The following SF3A1 variants were observed in gnomAD, a reference collection of about 807,000 sequenced individuals.
SF3A1 encodes the protein SAP 114.
SF3A1 carries 13 observed loss-of-function variants against 89.9 expected under a neutral mutation model. The ratio of observed to expected loss-of-function variants is 0.14; its 90% CI spans 0.09 to 0.23. The LOEUF is 0.23. Among genes scored for constraint, SF3A1 ranks in the 10% least tolerant of loss-of-function variants. The pLI is 1.00. For missense variants in SF3A1, 604 were observed against 1,022.1 expected, an observed-to-expected ratio of 0.59 and a Z score of 5.58; for synonymous variants, 405 against 374.4, an observed-to-expected ratio of 1.08 and a Z score of -0.94.
At chr22:30,348,456 C>A (rs942399597) in intron 2 of SF3A1, among the ~76,000 whole-genome samples, 2 of 152,170 alleles carry the variant, frequency 1.3e-5, no homozygotes, top group African/African-American at 4.8e-5. Flanking sequence ...CAAGCCTGGG[C>A]AACAAAATGA....
chr22:30,337,481 G>A (rs1931106574), intron 12 of SF3A1, among the ~76,000 whole-genome samples: 2 of 152,146 alleles, frequency 1.3e-5, no homozygotes, highest in African/African-American at 2.4e-5. Context: ...CACAGACACT[G>A]GCTACACCAT....
intron 2 of SF3A1, 49 bp from the exon 3 acceptor site, chr22:30,346,568 C>T (rs1931427808): frequency 9.4e-6 from 15 of 1,600,540 alleles, no homozygotes; most frequent in African/African-American, 2.7e-5. Context: ...CTTGTGCCTG[C>T]TGTGATCTAG....
rs1220779065 is a variant in SF3A1 at position 30,333,659 on chromosome 22, A to T, written c.*935T>A. ...GCCTCAGTTTACTCAAGTGTTAAAC[A>T]GGAATACTCACATGAGGATTACATG... On this transcript the variant is annotated 3_prime_UTR_variant, in exon 16 of 16. Coordinates refer to ENST00000215793, the MANE Select transcript of SF3A1 (RefSeq NM_005877.6). 6.6e-6 allele frequency: 1 copy of T among 152,282 alleles called. No homozygotes were observed. The highest frequency in any genetic ancestry group is 1.9e-4 in the East Asian group (1 of 5,208). 9.4% of individuals were successfully genotyped at this position (152,282 alleles called of 1,614,324 possible). A position where few individuals can be genotyped will look rare whatever the true frequency, so the allele number is the denominator to read the frequency against.
chr22:30,341,272 C>T (rs532140224), intron 7 of SF3A1, among the ~76,000 whole-genome samples: 2 of 152,260 alleles, frequency 1.3e-5, no homozygotes, highest in Non-Finnish European at 2.9e-5. Flanking sequence ...TCTGGAGACT[C>T]CATGCCTGCT....
rs964174611 is a variant in SF3A1 at position 30,341,556 on chromosome 22, A to C, written c.1071+136T>G. 5.7e-5 allele frequency: 25 copies of C among 442,172 alleles called. 2 individuals are homozygous for C. Among genetic ancestry groups the C allele is most frequent in the Non-Finnish European group, 9.3e-5 (22 of 236,638 alleles). The allele number at this position is 442,172 out of a possible 1,614,324, so 27.4% of individuals were successfully genotyped here. A position where few individuals can be genotyped will look rare whatever the true frequency, so the allele number is the denominator to read the frequency against. ...GGCTCTGTGCTGCCTGGACTTGGGC[A>C]GCTGTATGGCCTTGTTCAGGACCCA... is the stretch of plus-strand genomic sequence containing the variant. On this transcript the variant is annotated intron_variant, in intron 7 of 15. Coordinates refer to ENST00000215793, the MANE Select transcript of SF3A1 (RefSeq NM_005877.6).
intron 2 of SF3A1, among the ~76,000 whole-genome samples, chr22:30,350,278 G>GA (rs1258442555): frequency 2.1e-5 from 3 of 145,732 alleles, no homozygotes; most frequent in African/African-American, 7.6e-5. Flanking sequence ...GAGCAACACA[G>GA]AAAGACCCCA....
At position 30,333,566 on chromosome 22, in the gene SF3A1, G is replaced by A. The variant is rs1434626107; in HGVS notation, c.*1028C>T. On this transcript the variant is annotated 3_prime_UTR_variant, in exon 16 of 16. Coordinates refer to ENST00000215793, the MANE Select transcript of SF3A1 (RefSeq NM_005877.6). Reference sequence around the variant, plus strand: ...TTTACTCAGAAACCAGGACTGTGACGTGTTTTGCACACATTCTCTTTTCAC... The same window carrying A: ...TTTACTCAGAAACCAGGACTGTGACATGTTTTGCACACATTCTCTTTTCAC... 2 of 152,188 alleles carry A rather than the reference G, an allele frequency of 1.3e-5. No homozygotes were observed. The highest frequency in any genetic ancestry group is 2.4e-5 in the African/African-American group (1 of 41,444). The allele number at this position is 152,188 out of a possible 1,614,324, so 9.4% of individuals were successfully genotyped here.
chr22:30,340,308 G>A lies in SF3A1; in HGVS notation c.1263C>T (p.Pro421=), dbSNP rs146925373. The A allele has an allele frequency of 7.0e-5, 113 of 1,613,066 alleles. No individual in the cohort carries two copies. Among genetic ancestry groups the A allele is most frequent in the Non-Finnish European group, 8.4e-5 (99 of 1,179,760 alleles). The stretch of plus-strand genomic sequence containing the variant: ...GCATGTGTTCCTGCATTTTGCTGGC[G>A]GGGATCTTCTCCCCAGTAATGGGGG... ...LVSPITGEKI[P]ASKMQEHMRI... is the part of the protein sequence containing the mutation. The change falls in exon 9 of 16, where the codon CCC becomes CCT. Residue 421 remains proline (P), a synonymous_variant. Transcript: ENST00000215793.
chr22:30,349,444 C>T (rs559617200), intron 2 of SF3A1, among the ~76,000 whole-genome samples: 2 of 152,218 alleles, frequency 1.3e-5, no homozygotes, highest in East Asian at 1.9e-4. Context: ...CCACACCTGG[C>T]TAATTTTTTG....
chr22:30,356,655 C>A, intron 1 of SF3A1, 75 bp downstream of exon 1: 1 of 1,172,058 alleles, frequency 8.5e-7, no homozygotes, highest in Admixed American at 3.5e-5. Context: ...TAGCGGCCGG[C>A]CGCTTATTCC....
chr22:30,353,142 C>A (rs1224410081), intron 1 of SF3A1, 70 bp from the exon 2 acceptor site: 3 of 1,561,208 alleles, frequency 1.9e-6, no homozygotes, highest in Non-Finnish European at 2.6e-6. Flanking sequence ...CTGTAAAACT[C>A]CTCTAGGATA....
In SF3A1 at chr22:30,338,921, T is replaced by A. The variant is rs1297378992; in HGVS notation, c.1611A>T (p.Pro537=). Residue 537 remains proline (P), a synonymous_variant, in exon 11 of 16, where the codon CCA becomes CCT. Transcript: ENST00000215793. ...EAIHKAKGLV[P]EDDTKEKIGP... is the part of the protein sequence containing the mutation. ...CAATCTTCTCTTTAGTGTCATCCTC[T>A]GGCACCAGGCCTTTGGCCTTGTGAA... 3 of 1,614,206 alleles carry A rather than the reference T, an allele frequency of 1.9e-6. No homozygotes were observed. Among genetic ancestry groups the A allele is most frequent in the Middle Eastern group, 1.6e-4 (1 of 6,062 alleles).
intron 9 of SF3A1, 119 bp from the exon 10 acceptor site, chr22:30,339,370 T>A: frequency 5.7e-6 from 7 of 1,231,208 alleles, no homozygotes; most frequent in Non-Finnish European, 8.1e-6. Context: ...TGAGGGTGAC[T>A]CAGGGCCCCA....
chr22:30,338,108 C>G (rs1387153579), intron 11 of SF3A1, among the ~76,000 whole-genome samples: 1 of 152,140 alleles, frequency 6.6e-6, no homozygotes, highest in East Asian at 1.9e-4. Flanking sequence ...CTACTTGGGA[C>G]TTGGCGGGTC....
intron 2 of SF3A1, among the ~76,000 whole-genome samples, chr22:30,350,833 C>T (rs1438217861): frequency 1.3e-5 from 2 of 152,330 alleles, no homozygotes; most frequent in East Asian, 3.9e-4. Context: ...ATGAACACTG[C>T]TAAGAGCCAT....
Position 30,344,913 on chromosome 22 carries a change from G to A in SF3A1, c.651+20C>T, listed in dbSNP as rs776391188. On this transcript the variant is annotated intron_variant, in intron 4 of 15. Transcript: ENST00000215793. ...TTCCTTTCCTGGGCCCAGGACCCCA[G>A]CCCCATCCTGCCCAGGCACCTTGGT... 194 of 1,610,044 alleles carry A rather than the reference G, an allele frequency of 1.2e-4. No homozygotes were observed. Among genetic ancestry groups the A allele is most frequent in the Non-Finnish European group, 1.5e-4 (182 of 1,176,610 alleles).
intron 2 of SF3A1, among the ~76,000 whole-genome samples, chr22:30,351,514 T>C (rs1931593954): frequency 1.3e-5 from 2 of 152,136 alleles, no homozygotes; most frequent in South Asian, 2.1e-4. Context: ...ATCTCATTTT[T>C]ACTTGTTTTG....
At chr22:30,337,972 C>A (rs779181178) in intron 11 of SF3A1, 75 bp from the exon 12 acceptor site, 14 of 1,015,482 alleles carry the variant, frequency 1.4e-5, no homozygotes, top group Admixed American at 9.9e-5. Context: ...TGGCAACTGG[C>A]TGCCTGCAGC....
At chr22:30,336,654 G>A (rs1931075846) in intron 13 of SF3A1, among the ~76,000 whole-genome samples, 1 of 152,158 alleles carries the variant, frequency 6.6e-6, no homozygotes, top group Admixed American at 6.5e-5. Context: ...GAGCTGGGGA[G>A]GAAGGCCACA....
Sources: gnomAD v4.1 joint callset for allele counts (sites outside exome capture counted in the v4.1 genomes callset) on GRCh38, gnomAD v4.1.1 for gene constraint, MANE v1.5 for transcripts, NCBI Gene and HGNC (gene_info 2026-07-23, HGNC 2026-07-21) for gene names.